The following ADGRL2 variants were observed in gnomAD, a reference collection of about 807,000 sequenced individuals.
ADGRL2 encodes the protein calcium-independent alpha-latrotoxin receptor 2.
ADGRL2 carries 44 observed loss-of-function variants against 157.4 expected under a neutral mutation model. The ratio of observed to expected loss-of-function variants is 0.28; its 90% CI spans 0.22 to 0.36. The LOEUF (loss-of-function observed/expected upper bound fraction) is 0.36, where lower values mean the gene tolerates loss of function less well. ADGRL2 is among the 10% of genes least tolerant of loss of function. The probability of loss-of-function intolerance (pLI) is 1.00; values close to 1 mark genes in which losing one functional copy is unlikely to be tolerated. For synonymous variants in ADGRL2, 585 were observed against 624.7 expected (o/e 0.94, Z 0.95); for missense variants, 1,510 against 1,768.9 (o/e 0.85, Z 2.63).
chr1:81,848,201 G>T (rs2150436924), intron 2 of ADGRL2, among the ~76,000 whole-genome samples: 1 of 151,784 alleles, frequency 6.6e-6, no homozygotes, highest in African/African-American at 2.4e-5. Context: ...ATTTCTTAAT[G>T]AATTTTATTA....
intron 1 of ADGRL2, among the ~76,000 whole-genome samples, chr1:81,314,937 A>C (rs74523619): frequency 0.056 from 8,458 of 152,272 alleles, 363 homozygotes; most frequent in East Asian, 0.27. Context: ...AGTTTTCTAA[A>C]TAGAAGCTGA....
intron 1 of ADGRL2, among the ~76,000 whole-genome samples, chr1:81,439,274 C>T (rs1192094645): frequency 6.6e-6 from 1 of 152,160 alleles, no homozygotes; most frequent in Non-Finnish European, 1.5e-5. Flanking sequence ...CAAAGTCACT[C>T]ATTCTACCCA....
chr1:81,694,211 T>TA, intron 3 of ADGRL2, among the ~76,000 whole-genome samples: 1 of 152,098 alleles, frequency 6.6e-6, no homozygotes, highest in East Asian at 1.9e-4. Flanking sequence ...TATGTGCATT[T>TA]AAAAAAAGCA....
intron 1 of ADGRL2, among the ~76,000 whole-genome samples, chr1:81,377,849 G>A (rs1301408992): frequency 6.6e-6 from 1 of 152,048 alleles, no homozygotes; most frequent in Admixed American, 6.6e-5. Flanking sequence ...TGAATTTTAT[G>A]CTCTTTTTAA....
Position 81,953,036 on chromosome 1 carries a change from T to C in ADGRL2, c.1833+11T>C, listed in dbSNP as rs749381074. On this transcript the variant is annotated intron_variant, in intron 10 of 23. Coordinates refer to ENST00000686636, the MANE Select transcript of ADGRL2 (RefSeq NM_001366006.2). ...AGGGCTTACCTTAAGGTATCTCTCC[T>C]GTGCTGTCACCCTGCTTTCTCCCTT... is the stretch of plus-strand genomic sequence containing the variant. 6 of 1,609,862 alleles carry C rather than the reference T, an allele frequency of 3.7e-6. No homozygotes were observed. Among genetic ancestry groups the C allele is most frequent in the Non-Finnish European group, 5.1e-6 (6 of 1,177,596 alleles).
intron 3 of ADGRL2, among the ~76,000 whole-genome samples, chr1:81,687,411 T>C (rs1328838388): frequency 2.6e-5 from 4 of 152,224 alleles, no homozygotes; most frequent in African/African-American, 9.6e-5. Context: ...TTTGTCTCTT[T>C]TAACTGCTGT....
chr1:81,703,631 G>C (rs1022748260), intron 1 of ADGRL2, among the ~76,000 whole-genome samples: 1 of 152,014 alleles, frequency 6.6e-6, no homozygotes, highest in Non-Finnish European at 1.5e-5. Context: ...CTTTATTCTC[G>C]TACCGAAGAA....
intron 3 of ADGRL2, among the ~76,000 whole-genome samples, chr1:81,654,287 A>G (rs1249001538): frequency 6.6e-6 from 1 of 152,182 alleles, no homozygotes; most frequent in African/African-American, 2.4e-5. Context: ...TAATGACATC[A>G]GCAGTGTTCT....
chr1:81,712,755 A>ATTTTTTTTTT (rs60265943), intron 1 of ADGRL2, among the ~76,000 whole-genome samples: 1 of 100,250 alleles, frequency 1.0e-5, no homozygotes, highest in African/African-American at 4.0e-5. Context: ...TGGATCGCGG[A>ATTTTTTTTTT]TTTTTTTTTT....
In ADGRL2 at chr1:81,757,617, C is replaced by T. The variant is rs151084767; in HGVS notation, c.-142-4194C>T. Among the ~76,000 whole-genome samples the T allele has an allele frequency of 4.6e-5, 7 of 152,312 alleles. No individual in the cohort carries two copies. In the East Asian group the frequency reaches 9.6e-4, roughly 21 times the overall value. Reference sequence around the variant, plus strand: ...TTTGTCTATAAATCTTCTTCCATCACGTGGCTACACTGGAGTCTCTGTGAA... The same window carrying T: ...TTTGTCTATAAATCTTCTTCCATCATGTGGCTACACTGGAGTCTCTGTGAA... On this transcript the variant is annotated intron_variant, in intron 1 of 20. Transcript: ENST00000359929.
chr1:81,608,159 A>G (rs1045485002), intron 3 of ADGRL2, among the ~76,000 whole-genome samples: 1 of 152,042 alleles, frequency 6.6e-6, no homozygotes, highest in Non-Finnish European at 1.5e-5. Flanking sequence ...TTTTCAGTGC[A>G]TTTGCTCCTA....
intron 1 of ADGRL2, among the ~76,000 whole-genome samples, chr1:81,390,091 A>G (rs2076506538): frequency 1.3e-5 from 2 of 149,536 alleles, no homozygotes. Flanking sequence ...GTGGTAGACC[A>G]CTCACTAGAA....
chr1:81,638,961 C>G (rs921850106), intron 3 of ADGRL2, among the ~76,000 whole-genome samples: 16 of 152,122 alleles, frequency 1.1e-4, no homozygotes, highest in Admixed American at 1.3e-4. Context: ...CCGTGATCAC[C>G]CACTGCGCTT....
intron 1 of ADGRL2, among the ~76,000 whole-genome samples, chr1:81,707,066 T>C (rs1394351056): frequency 6.6e-6 from 1 of 152,178 alleles, no homozygotes; most frequent in African/African-American, 2.4e-5. Flanking sequence ...CAAATTTAAC[T>C]TGGTCTGCCG....
At chr1:81,880,522 G>A (rs917360317) in intron 2 of ADGRL2, among the ~76,000 whole-genome samples, 5 of 152,046 alleles carry the variant, frequency 3.3e-5, no homozygotes, top group Admixed American at 1.3e-4. Flanking sequence ...TTTATTAAGC[G>A]AAAGGAAAGC....
At position 81,868,573 on chromosome 1, in the gene ADGRL2, T is replaced by C. The variant is rs1324615510; in HGVS notation, c.73+31516T>C. 5.9e-5 allele frequency among the ~76,000 whole-genome samples: 9 copies of C among 152,056 alleles called. No individual in the cohort carries two copies. The East Asian group carries it at 1.7e-3, about 29-fold the overall frequency. On this transcript the variant is annotated intron_variant, in intron 2 of 23. Coordinates refer to ENST00000686636, the MANE Select transcript of ADGRL2 (RefSeq NM_001366006.2). ...AAACGTTTCAGTGTCTTTATACATCTATAGTTTCTTTGCCTAGGATCGTTG... is the reference window on the plus strand; with the variant it reads ...AAACGTTTCAGTGTCTTTATACATCCATAGTTTCTTTGCCTAGGATCGTTG...
intron 4 of ADGRL2, among the ~76,000 whole-genome samples, chr1:81,941,260 A>G (rs1436562625): frequency 1.3e-5 from 2 of 151,444 alleles, no homozygotes; most frequent in Non-Finnish European, 3.0e-5. Context: ...TAAAATGTAT[A>G]TGTAAACCTA....
At chr1:81,447,596 T>C (rs555413624) in intron 2 of ADGRL2, among the ~76,000 whole-genome samples, 1 of 152,128 alleles carries the variant, frequency 6.6e-6, no homozygotes, top group African/African-American at 2.4e-5. Context: ...TCTTGAGTAA[T>C]TAGCATCTCT....
In ADGRL2 at chr1:81,571,310, C is replaced by T. The variant is rs149335239; in HGVS notation, c.-247-9566C>T. 3.0e-3 allele frequency among the ~76,000 whole-genome samples: 442 copies of T among 147,058 alleles called. 5 individuals are homozygous for T. Among genetic ancestry groups the T allele is most frequent in the African/African-American group, 0.01 (419 of 39,970 alleles). ...ACTGCATGTAGCCTGGGTGACAGAG[C>T]GAGACTCTGGCAAAAAAACAAATAC... On this transcript the variant is annotated intron_variant, in intron 2 of 24. Coordinates refer to the ADGRL2 transcript ENST00000370721.
Sources: allele counts gnomAD v4.1 joint callset (sites outside exome capture counted in the v4.1 genomes callset), GRCh38; gene constraint gnomAD v4.1.1; transcripts MANE v1.5; gene names NCBI Gene and HGNC (gene_info 2026-07-23, HGNC 2026-07-21).